Variants in DPH6 observed in about 807,000 individuals in gnomAD.
DPH6 encodes the protein diphthine--ammonia ligase.
A neutral mutation model predicts 38.2 loss-of-function variants in DPH6; 33 were observed. That is an observed-to-expected ratio of 0.86 (90% confidence interval 0.65 to 1.15). The LOEUF (loss-of-function observed/expected upper bound fraction) is 1.15. Ranked by LOEUF, DPH6 falls within the 50% of genes most tolerant of loss-of-function variation. DPH6 has a pLI of 0.00. For synonymous variants in DPH6, 108 were observed against 103.0 expected (o/e 1.05, Z -0.30); for missense variants, 325 against 320.0 (o/e 1.02, Z -0.12).
At chr15:35,238,447 T>A (rs115642233) in intron 3 of DPH6, among the ~76,000 whole-genome samples, 4 of 152,132 alleles carry the variant, frequency 2.6e-5, no homozygotes, top group Non-Finnish European at 5.9e-5. Flanking sequence ...ATGCAAATAG[T>A]ACACCACCTT....
At position 35,299,255 on chromosome 15, in the gene DPH6, C is replaced by A. The variant is rs1477018402; in HGVS notation, n.200+74266G>T. ...GTGGTGTGTCCACAATTTGCCCGGT[C>A]ATCTGAGGAGCCACCTCGTTGTAGG... On this transcript the variant is annotated intron_variant and non_coding_transcript_variant, in intron 3 of 3. Transcript: ENST00000560386. 6 of 1,104,164 alleles carry A rather than the reference C, an allele frequency of 5.4e-6. No homozygotes were observed. The African/African-American group carries it at 7.7e-5, about 14-fold the overall frequency. 68.4% of individuals were successfully genotyped at this position (1,104,164 alleles called of 1,614,324 possible).
chr15:35,211,597 T>C, the DPH6 span, among the ~76,000 whole-genome samples: 4 of 152,214 alleles, frequency 2.6e-5, no homozygotes, highest in Admixed American at 6.5e-5. Flanking sequence ...GATCAATCTA[T>C]ATATACATCC....
At chr15:35,158,920 T>C in the DPH6 span, among the ~76,000 whole-genome samples, 13 of 152,094 alleles carry the variant, frequency 8.5e-5, no homozygotes. Context: ...GGTAGCAAAG[T>C]TGGCTAGGAA....
At chr15:35,427,870 C>T (rs1167974641) in intron 5 of DPH6, among the ~76,000 whole-genome samples, 1 of 151,852 alleles carries the variant, frequency 6.6e-6, no homozygotes, top group African/African-American at 2.4e-5. Context: ...ATTTCTCTTT[C>T]TTTTCTTCCC....
At chr15:35,202,421 G>T in the DPH6 span, among the ~76,000 whole-genome samples, 1 of 151,708 alleles carries the variant, frequency 6.6e-6, no homozygotes, top group African/African-American at 2.4e-5. Context: ...TGTGTTTCCT[G>T]AAGTAACTGC....
chr15:35,233,215 A>G (rs1023645859), intron 3 of DPH6, among the ~76,000 whole-genome samples: 4 of 152,166 alleles, frequency 2.6e-5, no homozygotes, highest in African/African-American at 9.6e-5. Context: ...AATCTGAGGC[A>G]GTAGAATCAC....
intron 3 of DPH6, among the ~76,000 whole-genome samples, chr15:35,354,459 A>T (rs2052542561): frequency 6.6e-6 from 1 of 152,218 alleles, no homozygotes; most frequent in Admixed American, 6.5e-5. Context: ...TGTCCCATCA[A>T]TATGAAATTT....
chr15:35,359,086 T>C (rs2052592183), intron 3 of DPH6, among the ~76,000 whole-genome samples: 1 of 151,922 alleles, frequency 6.6e-6, no homozygotes, highest in Admixed American at 6.6e-5. Context: ...GGGGTGAGAT[T>C]CTCAGGTCAC....
chr15:35,448,809 T>G lies in DPH6; in HGVS notation c.505+1876A>C, dbSNP rs2053889688. Among the ~76,000 whole-genome samples, 3 of 152,164 alleles carry G rather than the reference T, an allele frequency of 2.0e-5. No individual in the cohort carries two copies. The South Asian group carries it at 6.2e-4, about 32-fold the overall frequency. Reference sequence around the variant, plus strand: ...ATAATGAAACAAAGAAGCCAGAAATTTTATGAGTTCATTGATGCCTATAAG... The same window carrying G: ...ATAATGAAACAAAGAAGCCAGAAATGTTATGAGTTCATTGATGCCTATAAG... On this transcript the variant is annotated intron_variant, in intron 5 of 8. Coordinates refer to ENST00000256538, the MANE Select transcript of DPH6 (RefSeq NM_080650.4).
In DPH6 at chr15:35,241,356, C is replaced by T. The variant is rs1013148185; in HGVS notation, n.201-20774G>A. ...GTCCCGTTCTTAATCAATACGGAGG[C>T]TACCCACTCCACATTACCTTCTTTT... On this transcript the variant is annotated intron_variant and non_coding_transcript_variant, in intron 3 of 3. Transcript: ENST00000560386. 1.4e-5 allele frequency among the ~76,000 whole-genome samples: 2 copies of T among 142,850 alleles called. 1 individual carries two copies. Among genetic ancestry groups the T allele is most frequent in the Non-Finnish European group, 3.1e-5 (2 of 65,242 alleles). The allele number at this position is 142,850 out of a possible 152,430, so 93.7% of individuals were successfully genotyped here.
intron 6 of DPH6, among the ~76,000 whole-genome samples, chr15:35,397,511 C>G (rs900337225): frequency 3.3e-5 from 5 of 152,000 alleles, no homozygotes; most frequent in African/African-American, 1.2e-4. Context: ...ATGGAGAACA[C>G]AGGAGAGGAG....
chr15:35,512,684 C>T (rs114625938), intron 3 of DPH6, among the ~76,000 whole-genome samples: 2,780 of 151,884 alleles, frequency 0.018, 86 homozygotes, highest in African/African-American at 0.062. Context: ...CACGAAATGC[C>T]AGGAATTATA....
At chr15:35,147,549 G>A in the DPH6 span, among the ~76,000 whole-genome samples, 8 of 152,078 alleles carry the variant, frequency 5.3e-5, no homozygotes, top group African/African-American at 1.2e-4. Flanking sequence ...TGGCCTGGTC[G>A]GTGATAGCAT....
intron 3 of DPH6, among the ~76,000 whole-genome samples, chr15:35,257,236 T>C (rs756931924): frequency 3.3e-5 from 5 of 152,196 alleles, no homozygotes; most frequent in Admixed American, 2.6e-4. Context: ...TGTAAGTCAC[T>C]TCTTAGGAAC....
chr15:35,285,680 T>C (rs549807832), intron 3 of DPH6, among the ~76,000 whole-genome samples: 14 of 152,172 alleles, frequency 9.2e-5, no homozygotes, highest in Non-Finnish European at 1.6e-4. Flanking sequence ...CAATGAAAAT[T>C]AAGTAATTAC....
chr15:35,381,768 C>T (rs2052869738), intron 7 of DPH6, 54 bp downstream of exon 7: 4 of 1,432,728 alleles, frequency 2.8e-6, no homozygotes, highest in Admixed American at 3.5e-5. Context: ...TGTTCAGTTG[C>T]TTCCATCACT....
intron 3 of DPH6, among the ~76,000 whole-genome samples, chr15:35,227,333 G>A (rs541819369): frequency 5.6e-4 from 85 of 151,384 alleles, no homozygotes; most frequent in Non-Finnish European, 1.0e-3. Context: ...ACAGGCGCCC[G>A]CCACCACACC....
intron 3 of DPH6, among the ~76,000 whole-genome samples, chr15:35,496,567 A>AAAAAAAAT: frequency 3.2e-5 from 1 of 31,014 alleles, no homozygotes; most frequent in South Asian, 2.9e-3. Context: ...AAAAAAAAAA[A>AAAAAAAAT]ATATATATAT....
chr15:35,238,552 T>A (rs2140398799), intron 3 of DPH6, among the ~76,000 whole-genome samples: 2 of 152,334 alleles, frequency 1.3e-5, no homozygotes, highest in East Asian at 3.9e-4. Flanking sequence ...AAAGCTTTCA[T>A]GTTTCTGTGG....
Sources: gnomAD v4.1 joint callset for allele counts (sites outside exome capture counted in the v4.1 genomes callset) on GRCh38, gnomAD v4.1.1 for gene constraint, MANE v1.5 for transcripts, NCBI Gene and HGNC (gene_info 2026-07-23, HGNC 2026-07-21) for gene names.